Variants in XYLT1 observed in about 807,000 individuals in gnomAD.
XYLT1 encodes xylosyltransferase 1.
Under a neutral mutation model 91.3 loss-of-function variants are expected in XYLT1, and 36 were observed. That is an observed-to-expected ratio of 0.39 (90% CI 0.30 to 0.52). The LOEUF is 0.52. Among genes scored for constraint, XYLT1 ranks in the 20% least tolerant of loss-of-function variants. XYLT1 has a pLI of 0.68. For missense variants in XYLT1, 1,242 were observed against 1,284.5 expected (o/e 0.97, Z 0.51); for synonymous variants, 588 against 532.0 (o/e 1.11, Z -1.45).
rs5815946 is a variant in XYLT1, at chr16:17,162,409, C to CAAAA, written c.1290-3504_1290-3501dup. ...TGGGTGAAAGAGTGAGACTCTGTCT[C>CAAAA]AAAAAAAAAAAAAAGGAATTTCACT... On this transcript the variant is annotated intron_variant, in intron 5 of 11. Coordinates refer to ENST00000261381, the MANE Select transcript of XYLT1 (RefSeq NM_022166.4). 2.7e-4 allele frequency among the ~76,000 whole-genome samples: 38 copies of CAAAA among 139,034 alleles called. 1 individual carries two copies. Among genetic ancestry groups the CAAAA allele is most frequent in the African/African-American group, 7.0e-4 (26 of 37,362 alleles). The allele number at this position is 139,034 out of a possible 152,430, so 91.2% of individuals were successfully genotyped here. A position where few individuals can be genotyped will look rare whatever the true frequency, so the allele number is the denominator to read the frequency against.
chr16:17,424,342 C>A (rs1336536299), intron 1 of XYLT1, among the ~76,000 whole-genome samples: 2 of 152,190 alleles, frequency 1.3e-5, no homozygotes, highest in Non-Finnish European at 2.9e-5. Context: ...ACAAATGGCA[C>A]CCACAAGTTA....
chr16:17,466,577 A>G (rs13332735), intron 1 of XYLT1, among the ~76,000 whole-genome samples: 2,241 of 152,322 alleles, frequency 0.015, 54 homozygotes, highest in African/African-American at 0.05. Flanking sequence ...CTGGCTTCCT[A>G]GGTGAAAAAT....
intron 2 of XYLT1, among the ~76,000 whole-genome samples, chr16:17,282,116 T>C (rs1376329884): frequency 2.0e-5 from 3 of 152,206 alleles, no homozygotes. Flanking sequence ...GACTGTATGC[T>C]AGGAACTGTT....
In XYLT1 at chr16:17,108,840, C is replaced by G. The variant is rs1348587342; in HGVS notation, c.2735G>C (p.Gly912Ala). ...LEGWLDSLVGGMWTAMDICAT... is the reference protein window; with the variant it reads ...LEGWLDSLVGAMWTAMDICAT... ...ACAGATGTCCATGGCAGTCCACATC[C>G]CGCCCACCAACGAGTCCAGCCATCC... Residue 912 changes from glycine (G) to alanine (A), a missense_variant, in exon 12 of 12, where the codon GGG becomes GCG. Transcript: ENST00000261381. The G allele has an allele frequency of 6.2e-7, 1 of 1,612,968 alleles. No individual in the cohort carries two copies. Among genetic ancestry groups the G allele is most frequent in the Admixed American group, 1.7e-5 (1 of 60,010 alleles).
chr16:17,196,175 G>A (rs973711351), intron 5 of XYLT1, among the ~76,000 whole-genome samples: 18 of 152,182 alleles, frequency 1.2e-4, no homozygotes, highest in Admixed American at 7.2e-4. Flanking sequence ...GCCTAGGAAT[G>A]AAGAAGACCC....
chr16:17,271,187 C>G (rs17211889), intron 2 of XYLT1, among the ~76,000 whole-genome samples: 14,197 of 151,988 alleles, frequency 0.093, 833 homozygotes, highest in Admixed American at 0.15. Flanking sequence ...TTTTAAGTGT[C>G]CCGAAGGCTG....
chr16:17,160,267 C>G (rs944383207), intron 5 of XYLT1, among the ~76,000 whole-genome samples: 4 of 152,156 alleles, frequency 2.6e-5, no homozygotes, highest in African/African-American at 9.7e-5. Context: ...ACTGAATGGA[C>G]AACTGGGTGG....
chr16:17,248,728 T>C (rs1161642650), intron 3 of XYLT1, among the ~76,000 whole-genome samples: 2 of 151,098 alleles, frequency 1.3e-5, no homozygotes, highest in Non-Finnish European at 2.9e-5. Flanking sequence ...GAATTGCTGT[T>C]GCAATTTTAC....
At chr16:17,351,847 T>TAATC (rs1193191439) in intron 2 of XYLT1, among the ~76,000 whole-genome samples, 1 of 151,784 alleles carries the variant, frequency 6.6e-6, no homozygotes, top group Non-Finnish European at 1.5e-5. Context: ...GAAGTTATAA[T>TAATC]AATCACAAAT....
intron 1 of XYLT1, among the ~76,000 whole-genome samples, chr16:17,463,441 A>G (rs908720695): frequency 2.6e-5 from 4 of 152,254 alleles, no homozygotes; most frequent in African/African-American, 9.6e-5. Context: ...AAAAGAAGAC[A>G]TACGAATGGC....
intron 3 of XYLT1, among the ~76,000 whole-genome samples, chr16:17,242,141 G>T (rs2033354438): frequency 6.6e-6 from 1 of 152,192 alleles, no homozygotes; most frequent in Non-Finnish European, 1.5e-5. Context: ...CATGGGAATT[G>T]TGGGAGTACA....
At chr16:17,252,541 G>A (rs560988808) in intron 3 of XYLT1, among the ~76,000 whole-genome samples, 1 of 152,316 alleles carries the variant, frequency 6.6e-6, no homozygotes, top group East Asian at 1.9e-4. Flanking sequence ...GACAGCCAGA[G>A]GAATCCCTCT....
chr16:17,191,603 C>G (rs780858890), intron 5 of XYLT1, among the ~76,000 whole-genome samples: 1 of 152,208 alleles, frequency 6.6e-6, no homozygotes, highest in Non-Finnish European at 1.5e-5. Context: ...CAGTAAGTGT[C>G]TGCTCTGTTA....
rs116317443 is a variant in XYLT1, at chr16:17,451,480, G to A, written c.363+18954C>T. ...TGAGCTGCAGGAAGTCAGGGAACGCGTTCTGTCCACTGCTCCAACCCCAGC... is the reference window on the plus strand; with the variant it reads ...TGAGCTGCAGGAAGTCAGGGAACGCATTCTGTCCACTGCTCCAACCCCAGC... On this transcript the variant is annotated intron_variant, in intron 1 of 11. Transcript: ENST00000261381. Among the ~76,000 whole-genome samples the A allele has an allele frequency of 5.0e-3, 758 of 152,288 alleles. 6 individuals are homozygous for A. Among genetic ancestry groups the A allele is most frequent in the African/African-American group, 0.016 (676 of 41,550 alleles).
intron 2 of XYLT1, among the ~76,000 whole-genome samples, chr16:17,272,153 G>GTTTT (rs35561235): frequency 7.5e-5 from 6 of 80,310 alleles, no homozygotes; most frequent in African/African-American, 1.7e-4. Context: ...TTTGTTGTTG[G>GTTTT]TTTTTTTTTT....
chr16:17,372,606 A>G (rs1045310574), intron 1 of XYLT1, among the ~76,000 whole-genome samples: 3 of 152,216 alleles, frequency 2.0e-5, no homozygotes, highest in Non-Finnish European at 4.4e-5. Context: ...CCCATTTTTA[A>G]GAGAAAGTGG....
chr16:17,107,750 G>A lies in XYLT1; in HGVS notation c.*945C>T, dbSNP rs556445168. On this transcript the variant is annotated 3_prime_UTR_variant, in exon 12 of 12. Coordinates refer to ENST00000261381, the MANE Select transcript of XYLT1 (RefSeq NM_022166.4). ...CAAGCATTGCTTTGTGAGTTTCATCGCGTTGCCTTGTGAGTTTCATGGTCA... is the reference window on the plus strand; with the variant it reads ...CAAGCATTGCTTTGTGAGTTTCATCACGTTGCCTTGTGAGTTTCATGGTCA... 3.4e-4 allele frequency: 52 copies of A among 152,620 alleles called. No individual in the cohort carries two copies. The highest frequency in any genetic ancestry group is 3.2e-3 in the Admixed American group (49 of 15,304). The allele number at this position is 152,620 out of a possible 1,614,324, so 9.5% of individuals were successfully genotyped here.
intron 2 of XYLT1, among the ~76,000 whole-genome samples, chr16:17,314,911 G>A (rs915881660): frequency 1.3e-5 from 2 of 152,182 alleles, no homozygotes; most frequent in African/African-American, 2.4e-5. Context: ...GTAGGTGGCG[G>A]AGGTGATAAA....
At chr16:17,157,234 T>TCACG (rs2031429890) in intron 6 of XYLT1, among the ~76,000 whole-genome samples, 1 of 152,010 alleles carries the variant, frequency 6.6e-6, no homozygotes. Flanking sequence ...AGGCCTTGAG[T>TCACG]CACGGCACCT....
Sources: allele counts gnomAD v4.1 joint callset (sites outside exome capture counted in the v4.1 genomes callset), GRCh38; gene constraint gnomAD v4.1.1; transcripts MANE v1.5; gene names NCBI Gene and HGNC (gene_info 2026-07-23, HGNC 2026-07-21).